Variants in UHRF2 observed in about 807,000 individuals in gnomAD.
UHRF2 encodes ubiquitin like with PHD and ring finger domains 2.
Under a neutral mutation model 96.8 loss-of-function variants are expected in UHRF2, and 23 were observed. The observed-to-expected ratio is 0.24, with a 90% CI of 0.17 to 0.34. The LOEUF is 0.34. Ranked by LOEUF, UHRF2 falls within the 10% of genes least tolerant of loss-of-function variation. The pLI is 1.00. For synonymous variants in UHRF2, 385 were observed against 332.6 expected (o/e 1.16, Z -1.72); for missense variants, 685 against 981.5 (o/e 0.70, Z 4.04).
chr9:6,477,175 G>A (rs560683826), intron 5 of UHRF2, among the ~76,000 whole-genome samples: 1 of 152,170 alleles, frequency 6.6e-6, no homozygotes, highest in Admixed American at 6.5e-5. Context: ...AGGGGCTGCA[G>A]TGAGCTAAGA....
intron 1 of UHRF2, among the ~76,000 whole-genome samples, chr9:6,418,218 G>T (rs1038563434): frequency 6.1e-5 from 9 of 146,526 alleles, no homozygotes; most frequent in Non-Finnish European, 9.0e-5. Flanking sequence ...GTTTTTTGGG[G>T]TTTTTTTCCC....
chr9:6,462,541 A>G (rs1822608150), intron 4 of UHRF2, among the ~76,000 whole-genome samples: 1 of 152,170 alleles, frequency 6.6e-6, no homozygotes, highest in African/African-American at 2.4e-5. Context: ...CTTTTAACCT[A>G]CTTGAGTGTT....
At chr9:6,414,601 A>C (rs779979433) in intron 1 of UHRF2, among the ~76,000 whole-genome samples, 1 of 152,158 alleles carries the variant, frequency 6.6e-6, no homozygotes, top group Non-Finnish European at 1.5e-5. Flanking sequence ...TGTTGTTAAT[A>C]CACTAAAAAG....
Position 6,421,081 on chromosome 9 carries a change from C to T in UHRF2, c.323C>T (p.Ser108Phe), listed in dbSNP as rs1819904710. 6.2e-7 allele frequency: 1 copy of T among 1,614,010 alleles called. No homozygotes were observed. The highest frequency in any genetic ancestry group is 8.5e-7 in the Non-Finnish European group (1 of 1,180,044). Residue 108 changes from serine (S) to phenylalanine (F), a missense_variant, in exon 2 of 16, where the codon TCC becomes TTC. Around this residue, in one of 6 missense-constraint regions of UHRF2, gnomAD observed 391 missense variants for 437.0 expected, o/e 0.89. Coordinates refer to ENST00000276893, the MANE Select transcript of UHRF2 (RefSeq NM_152896.3). ...AAGAAAGCTCCGAGGGTAGGACCTT[C>T]CAATCAGCCATCTACATCAGCTCGT... ...KVKKAPRVGP[S>F]NQPSTSARAR...
chr9:6,487,525 C>T (rs1824376954), intron 9 of UHRF2, among the ~76,000 whole-genome samples: 1 of 152,174 alleles, frequency 6.6e-6, no homozygotes, highest in Admixed American at 6.5e-5. Flanking sequence ...CACCACTGTG[C>T]CTGGCTAATT....
chr9:6,445,435 A>G (rs571063946), intron 3 of UHRF2, among the ~76,000 whole-genome samples: 1 of 152,136 alleles, frequency 6.6e-6, no homozygotes, highest in South Asian at 2.1e-4. Flanking sequence ...CTAATTTTGT[A>G]CTTTTAGTAG....
In UHRF2 at chr9:6,460,779, A is replaced by C. The variant is rs1822492259; in HGVS notation, c.851A>C (p.Lys284Thr). Residue 284 changes from lysine (K) to threonine (T), a missense_variant, in exon 4 of 16, where the codon AAA becomes ACA. Around this residue, in one of 6 missense-constraint regions of UHRF2, gnomAD observed 391 missense variants for 437.0 expected, o/e 0.89. Coordinates refer to ENST00000276893, the MANE Select transcript of UHRF2 (RefSeq NM_152896.3). ...AGGACCAAAAAAGAACTTCGTGTGA[A>C]AATTTTCCTGGGGTAAGATTGTCTT... ...ISRTKKELRV[K>T]IFLGGSEGTL... is the part of the protein sequence containing the mutation. The C allele has an allele frequency of 6.2e-7, 1 of 1,612,258 alleles. No homozygotes were observed. The highest frequency in any genetic ancestry group is 8.5e-7 in the Non-Finnish European group (1 of 1,179,538).
intron 3 of UHRF2, among the ~76,000 whole-genome samples, chr9:6,456,967 C>G (rs1220288730): frequency 6.6e-6 from 1 of 152,114 alleles, no homozygotes; most frequent in East Asian, 1.9e-4. Context: ...GTTCTTTTTG[C>G]TTAGGATAGT....
intron 3 of UHRF2, among the ~76,000 whole-genome samples, chr9:6,448,415 G>C (rs139523629): frequency 6.6e-6 from 1 of 152,302 alleles, no homozygotes; most frequent in Non-Finnish European, 1.5e-5. Context: ...TGTTCAAGAA[G>C]AAGAAAAAGT....
intron 14 of UHRF2, among the ~76,000 whole-genome samples, chr9:6,501,529 G>A (rs1587887589): frequency 6.6e-6 from 1 of 152,262 alleles, no homozygotes; most frequent in Admixed American, 6.5e-5. Context: ...TTATTATTAA[G>A]GAAGAATTTT....
intron 3 of UHRF2, 56 bp downstream of exon 3, chr9:6,434,229 GC>G: frequency 2.2e-5 from 33 of 1,521,894 alleles, no homozygotes; most frequent in Non-Finnish European, 2.9e-5. Context: ...AGAAACCAAA[GC>G]CTTCTATTTC....
intron 8 of UHRF2, among the ~76,000 whole-genome samples, chr9:6,485,552 G>A (rs762431844): frequency 1.3e-5 from 2 of 151,680 alleles, no homozygotes; most frequent in Non-Finnish European, 2.9e-5. Context: ...AACCTTTCCA[G>A]GTTCTGTTGC....
At chr9:6,472,217 C>G (rs1823285121) in intron 4 of UHRF2, among the ~76,000 whole-genome samples, 1 of 152,194 alleles carries the variant, frequency 6.6e-6, no homozygotes, top group Non-Finnish European at 1.5e-5. Context: ...AGAATTTTGA[C>G]TCTTTCTCCA....
chr9:6,455,638 G>A (rs145262744), intron 3 of UHRF2, among the ~76,000 whole-genome samples: 1 of 152,294 alleles, frequency 6.6e-6, no homozygotes, highest in East Asian at 1.9e-4. Context: ...AGAAGCCAGT[G>A]TGGACTGTTA....
chr9:6,495,046 A>G (rs996092566), intron 10 of UHRF2: 2 of 152,186 alleles, frequency 1.3e-5, no homozygotes, highest in Admixed American at 6.5e-5. Context: ...AAATATTTTG[A>G]TGTGTTTTTG....
At chr9:6,430,216 G>A (rs1820491114) in intron 2 of UHRF2, among the ~76,000 whole-genome samples, 1 of 152,122 alleles carries the variant, frequency 6.6e-6, no homozygotes, top group South Asian at 2.1e-4. Flanking sequence ...CGCCATGTTT[G>A]CCGGGCTGGT....
At chr9:6,414,717 A>G (rs1819492407) in intron 1 of UHRF2, among the ~76,000 whole-genome samples, 1 of 152,218 alleles carries the variant, frequency 6.6e-6, no homozygotes, top group South Asian at 2.1e-4. Flanking sequence ...AAACTACTTA[A>G]AAGGAATATT....
Position 6,482,251 on chromosome 9 carries a change from G to T in UHRF2, c.1392+152G>T, listed in dbSNP as rs1361779044. 4.6e-6 allele frequency: 3 copies of T among 656,704 alleles called. No homozygotes were observed. In the Admixed American group the frequency reaches 8.6e-5, roughly 19 times the overall value. The allele number at this position is 656,704 out of a possible 1,614,324, so 40.7% of individuals were successfully genotyped here. Reference sequence around the variant, plus strand: ...TAGGATGGGTGTACTCTTCCTGGAGGTTAACAAAGGAACATACATCACAGA... The same window carrying T: ...TAGGATGGGTGTACTCTTCCTGGAGTTTAACAAAGGAACATACATCACAGA... On this transcript the variant is annotated intron_variant, in intron 8 of 15. Transcript: ENST00000276893.
At chr9:6,462,474 T>C (rs186781563) in intron 4 of UHRF2, among the ~76,000 whole-genome samples, 1 of 152,328 alleles carries the variant, frequency 6.6e-6, no homozygotes, top group African/African-American at 2.4e-5. Context: ...AACCCTGATA[T>C]GGATGCAAAT....
Sources: gnomAD v4.1 joint callset for allele counts (sites outside exome capture counted in the v4.1 genomes callset) on GRCh38, gnomAD v4.1.1 for gene constraint, gnomAD v4.1.1 regional missense constraint, MANE v1.5 for transcripts, NCBI Gene and HGNC (gene_info 2026-07-23, HGNC 2026-07-21) for gene names.